The following PTK6 variants were observed in gnomAD, a reference collection of about 807,000 sequenced individuals.
PTK6 encodes protein-tyrosine kinase 6.
Under a neutral mutation model 47.5 loss-of-function variants are expected in PTK6, and 47 were observed. The observed-to-expected ratio is 0.99, with a 90% CI of 0.78 to 1.26. The LOEUF (loss-of-function observed/expected upper bound fraction) is 1.26. PTK6 is among the 50% of genes most tolerant of loss of function. The probability of loss-of-function intolerance (pLI) is 0.00; values close to 1 mark genes in which losing one functional copy is unlikely to be tolerated. For synonymous variants in PTK6, 287 were observed against 276.5 expected (o/e 1.04, Z -0.38); for missense variants, 618 against 625.3 (o/e 0.99, Z 0.12).
intron 5 of PTK6, among the ~76,000 whole-genome samples, chr20:63,531,456 A>G (rs1251779979): frequency 8.0e-6 from 1 of 125,508 alleles, no homozygotes; most frequent in Non-Finnish European, 1.6e-5. Context: ...ATATATATAT[A>G]TATATATAAT....
rs768315390 is a variant in PTK6 at position 63,534,274 on chromosome 20, G to A, written c.394C>T (p.Arg132Cys). The change falls in exon 3 of 8, where the codon CGT becomes TGT. Residue 132 changes from arginine (R) to cysteine (C), a missense_variant. Coordinates refer to ENST00000542869, the MANE Select transcript of PTK6 (RefSeq NM_005975.4). ...TTCAGGTGCAGCCGGCCCCCGGCACGCCGCCAGATCTTGTAGTGCCGCACA... is the reference window on the plus strand; with the variant it reads ...TTCAGGTGCAGCCGGCCCCCGGCACACCGCCAGATCTTGTAGTGCCGCACA... ...QAVRHYKIWR[R>C]AGGRLHLNEA... is the part of the protein sequence containing the mutation. The A allele has an allele frequency of 2.5e-5, 40 of 1,608,474 alleles. No homozygotes were observed. The Middle Eastern group carries it at 1.5e-3, about 60-fold the overall frequency.
rs1268522173 is a variant in PTK6 at position 63,534,183 on chromosome 20, T to C, written c.485A>G (p.His162Arg). 1 of 1,566,898 alleles carries C rather than the reference T, an allele frequency of 6.4e-7. No individual in the cohort carries two copies. Among genetic ancestry groups the C allele is most frequent in the Non-Finnish European group, 8.6e-7 (1 of 1,157,212 alleles). ...VNYHRAQSLS[H>R]GLRLAAPCRK... ...GCAGGGCGCGGCCAGCCGCAGGCCG[T>C]GGGACAGGCTCTGGGCCCTGTGGTA... The change falls in exon 3 of 8, where the codon CAC (histidine) becomes CGC (arginine). Residue 162 changes from histidine (H) to arginine (R), a missense_variant. Coordinates refer to ENST00000542869, the MANE Select transcript of PTK6 (RefSeq NM_005975.4).
intron 1 of PTK6, among the ~76,000 whole-genome samples, chr20:63,536,856 A>AC (rs1001738101): frequency 2.8e-4 from 42 of 152,074 alleles, no homozygotes; most frequent in South Asian, 2.1e-4. Context: ...GTGCCCTCTG[A>AC]CCCCCGTGCT....
At position 63,537,133 on chromosome 20, in the gene PTK6, T is replaced by A. The variant is rs752341537; in HGVS notation, c.182A>T (p.Tyr61Phe). 1 of 1,611,062 alleles carries A rather than the reference T, an allele frequency of 6.2e-7. No homozygotes were observed. Residue 61 changes from tyrosine to phenylalanine, a missense_variant, in exon 1 of 8, where the codon TAT (tyrosine) becomes TTT (phenylalanine). Physicochemically the swap from Tyr to Phe is conservative, Grantham distance 22. Transcript: ENST00000542869. ...CTCGGCCAGGTAGTTGTGGGGCACA[T>A]AGCCCTGGGCCACGGCCCCACCCGC... ...DEAGGAVAQG[Y>F]VPHNYLAERE...
At position 63,529,808 on chromosome 20, in the gene PTK6, C is replaced by T. The variant is rs45520941; in HGVS notation, c.1169-85G>A. The T allele has an allele frequency of 0.042, 57,086 of 1,375,460 alleles. 1,353 individuals carry two copies. Among genetic ancestry groups the T allele is most frequent in the Middle Eastern group, 0.057 (225 of 3,948 alleles). 85.2% of individuals were successfully genotyped at this position (1,375,460 alleles called of 1,614,324 possible). On this transcript the variant is annotated intron_variant, in intron 7 of 7. Transcript: ENST00000542869. The surrounding 1 kb of genome is among the most constrained non-coding windows in gnomAD (Gnocchi z 5.6). ...CACACCAGCCATCCACTGCCCCTTC[C>T]TGGGGCCTTCCCCGCAGCCTCAGCT...
chr20:63,529,849 C>A lies in PTK6; in HGVS notation c.1169-126G>T. 8.6e-7 allele frequency: 1 copy of A among 1,168,182 alleles called. No homozygotes were observed. Among genetic ancestry groups the A allele is most frequent in the Admixed American group, 2.8e-5 (1 of 35,842 alleles). 72.4% of individuals were successfully genotyped at this position (1,168,182 alleles called of 1,614,324 possible). A position where few individuals can be genotyped will look rare whatever the true frequency, so the allele number is the denominator to read the frequency against. ...AGCCTCAGCTGCCATGCCTTGGCGC[C>A]ACCCAGCACACTGTCCACTGCTAAC... On this transcript the variant is annotated intron_variant, in intron 7 of 7. Coordinates refer to ENST00000542869, the MANE Select transcript of PTK6 (RefSeq NM_005975.4). This position sits in a 1 kb window ranked among gnomAD's most constrained non-coding sequence, Gnocchi z 5.6.
intron 1 of PTK6, 90 bp from the exon 2 acceptor site, chr20:63,535,149 C>T: frequency 1.2e-5 from 17 of 1,460,426 alleles, no homozygotes; most frequent in Non-Finnish European, 1.4e-5. Context: ...GGAACCCCAG[C>T]CGCCCTTGCC....
rs953151401 is a variant in PTK6 at position 63,528,533 on chromosome 20, C to G, written c.*1003G>C. ...ACCAGTCTGCTGCCTCAGCCTCCCA[C>G]GTAGCTGGGACTACAGGCGCCCACC... On this transcript the variant is annotated 3_prime_UTR_variant, in exon 8 of 8. Coordinates refer to ENST00000542869, the MANE Select transcript of PTK6 (RefSeq NM_005975.4). 1.3e-5 allele frequency: 2 copies of G among 151,692 alleles called. No individual in the cohort carries two copies. The highest frequency in any genetic ancestry group is 1.3e-4 in the Admixed American group (2 of 15,192). 9.4% of individuals were successfully genotyped at this position (151,692 alleles called of 1,614,324 possible).
Position 63,529,689 on chromosome 20 carries a change from G to A in PTK6, c.1203C>T (p.Asp401=), listed in dbSNP as rs1022487474. The change falls in exon 8 of 8, where the codon GAC becomes GAT. Residue 401 remains aspartate (D), a synonymous_variant. Coordinates refer to ENST00000542869, the MANE Select transcript of PTK6 (RefSeq NM_005975.4). This position sits in a 1 kb window ranked among gnomAD's most constrained non-coding sequence, Gnocchi z 5.6. ...GAGGGCAGGGCATGCGGTAGCCGGCGTCCACCCTCAGGAAGGCCTCATGGT... is the reference window on the plus strand; with the variant it reads ...GAGGGCAGGGCATGCGGTAGCCGGCATCCACCCTCAGGAAGGCCTCATGGT... ...MSNHEAFLRV[D]AGYRMPCPLE... is the part of the protein sequence containing the mutation. 1.3e-5 allele frequency: 20 copies of A among 1,545,842 alleles called. 1 individual carries two copies. Among genetic ancestry groups the A allele is most frequent in the South Asian group, 3.6e-5 (3 of 83,624 alleles).
rs1003712689 is a variant in PTK6 at position 63,529,505 on chromosome 20, C to T, written c.*31G>A. 1.3e-6 allele frequency: 2 copies of T among 1,518,578 alleles called. No homozygotes were observed. Among genetic ancestry groups the T allele is most frequent in the Non-Finnish European group, 1.8e-6 (2 of 1,133,296 alleles). 94.1% of individuals were successfully genotyped at this position (1,518,578 alleles called of 1,614,324 possible). A position where few individuals can be genotyped will look rare whatever the true frequency, so the allele number is the denominator to read the frequency against. Reference sequence around the variant, plus strand: ...GCCCTCTGCCCAGGCCCCTCCTCAGCAGGGCCCGGCCATGCCCGCTCCACA... The same window carrying T: ...GCCCTCTGCCCAGGCCCCTCCTCAGTAGGGCCCGGCCATGCCCGCTCCACA... On this transcript the variant is annotated 3_prime_UTR_variant, in exon 8 of 8. Transcript: ENST00000542869. The surrounding 1 kb of genome is among the most constrained non-coding windows in gnomAD (Gnocchi z 5.6).
Position 63,529,760 on chromosome 20 carries a change from C to T in PTK6, c.1169-37G>A, listed in dbSNP as rs1205620402. On this transcript the variant is annotated intron_variant, in intron 7 of 7. Coordinates refer to ENST00000542869, the MANE Select transcript of PTK6 (RefSeq NM_005975.4). This position sits in a 1 kb window ranked among gnomAD's most constrained non-coding sequence, Gnocchi z 5.6. ...AGGGATGAGAAGAGCTGGGGCCCAC[C>T]TGCCTACCCTCCCCCAAGAAGCCAC... 4 of 1,501,530 alleles carry T rather than the reference C, an allele frequency of 2.7e-6. No homozygotes were observed. Among genetic ancestry groups the T allele is most frequent in the Non-Finnish European group, 3.6e-6 (4 of 1,123,074 alleles). 93.0% of individuals were successfully genotyped at this position (1,501,530 alleles called of 1,614,324 possible).
intron 4 of PTK6, 78 bp from the exon 5 acceptor site, chr20:63,532,765 A>C: frequency 5.2e-6 from 8 of 1,532,252 alleles, no homozygotes; most frequent in South Asian, 1.2e-5. Context: ...CCCTGCCCCC[A>C]CACACAGCAG....
Position 63,528,167 on chromosome 20 carries a change from G to A in PTK6, c.*1369C>T, listed in dbSNP as rs539587089. 5.3e-5 allele frequency: 8 copies of A among 152,208 alleles called. No homozygotes were observed. The South Asian group carries it at 6.2e-4, about 12-fold the overall frequency. The allele number at this position is 152,208 out of a possible 1,614,324, so 9.4% of individuals were successfully genotyped here. A position where few individuals can be genotyped will look rare whatever the true frequency, so the allele number is the denominator to read the frequency against. On this transcript the variant is annotated 3_prime_UTR_variant, in exon 8 of 8. Coordinates refer to ENST00000542869, the MANE Select transcript of PTK6 (RefSeq NM_005975.4). ...GATAGGATATATATCATAGGATAAC[G>A]TATCAGATTTCTAGGAATTTTATAG...
At position 63,530,666 on chromosome 20, in the gene PTK6, C is replaced by T; in HGVS notation, c.1014+80G>A. ...CCGCATCCTGCTCCCAGCCGAGTCCCCAGCTCCACACACAGGAAGCCCCCA... is the reference window on the plus strand; with the variant it reads ...CCGCATCCTGCTCCCAGCCGAGTCCTCAGCTCCACACACAGGAAGCCCCCA... On this transcript the variant is annotated intron_variant, in intron 6 of 7. Transcript: ENST00000542869. The surrounding 1 kb of genome is among the most constrained non-coding windows in gnomAD (Gnocchi z 4.1). 1 of 1,510,112 alleles carries T rather than the reference C, an allele frequency of 6.6e-7. No individual in the cohort carries two copies. Among genetic ancestry groups the T allele is most frequent in the Non-Finnish European group, 9.0e-7 (1 of 1,112,274 alleles). The allele number at this position is 1,510,112 out of a possible 1,614,324, so 93.5% of individuals were successfully genotyped here. A position where few individuals can be genotyped will look rare whatever the true frequency, so the allele number is the denominator to read the frequency against.
At chr20:63,532,456 G>A in intron 5 of PTK6, 70 bp downstream of exon 5, 3 of 1,514,526 alleles carry the variant, frequency 2.0e-6, no homozygotes, top group Admixed American at 1.8e-5. Flanking sequence ...GACGTGGGGG[G>A]GGGGTGTGCA....
intron 5 of PTK6, among the ~76,000 whole-genome samples, chr20:63,532,181 G>A (rs544375233): frequency 6.6e-6 from 1 of 151,434 alleles, no homozygotes; most frequent in South Asian, 2.1e-4. Context: ...GTGTGTCTGT[G>A]TGTGTCCGTG....
At chr20:63,531,392 GCCTGGGCGACAGAGCCAGA>G (rs1459895707) in intron 5 of PTK6, among the ~76,000 whole-genome samples, 5 of 136,792 alleles carry the variant, frequency 3.7e-5, no homozygotes, top group African/African-American at 1.4e-4. Flanking sequence ...CTGCACTCCA[GCCTGGGCGACAGAGCCAGA>G]CTCCGTCTCA....
At position 63,533,529 on chromosome 20, in the gene PTK6, G is replaced by A. The variant is rs777408314; in HGVS notation, c.670+22C>T. 32 of 1,587,550 alleles carry A rather than the reference G, an allele frequency of 2.0e-5. No individual in the cohort carries two copies. Among genetic ancestry groups the A allele is most frequent in the East Asian group, 4.5e-5 (2 of 44,358 alleles). Reference sequence around the variant, plus strand: ...CAGGGCAGGCACGGGGCCACACAGAGCCCTGATCGGGGCCCACTCACCTCG... The same window carrying A: ...CAGGGCAGGCACGGGGCCACACAGAACCCTGATCGGGGCCCACTCACCTCG... On this transcript the variant is annotated intron_variant, in intron 4 of 7. Coordinates refer to ENST00000542869, the MANE Select transcript of PTK6 (RefSeq NM_005975.4). The surrounding 1 kb of genome is among the most constrained non-coding windows in gnomAD (Gnocchi z 4.0).
In PTK6 at chr20:63,530,302, C is replaced by T; in HGVS notation, c.1015-71G>A. 6.4e-7 allele frequency: 1 copy of T among 1,568,088 alleles called. No individual in the cohort carries two copies. Among genetic ancestry groups the T allele is most frequent in the Non-Finnish European group, 8.7e-7 (1 of 1,147,830 alleles). ...CCTGCCCCCGAAGCATGGACGGGCA[C>T]AGCGGCCGCATTGCCCCAGCAGTGG... On this transcript the variant is annotated intron_variant, in intron 6 of 7. Transcript: ENST00000542869. This position sits in a 1 kb window ranked among gnomAD's most constrained non-coding sequence, Gnocchi z 4.1.
Sources: gnomAD v4.1 joint callset for allele counts (sites outside exome capture counted in the v4.1 genomes callset) on GRCh38, gnomAD v4.1.1 for gene constraint, Gnocchi (gnomAD v3.1) non-coding constraint, MANE v1.5 for transcripts, NCBI Gene and HGNC (gene_info 2026-07-23, HGNC 2026-07-21) for gene names.